The following DCDC2 variants were observed in gnomAD, a reference collection of about 807,000 sequenced individuals.
The protein encoded by DCDC2 is doublecortin domain containing 2.
Under a neutral mutation model 50.2 loss-of-function variants are expected in DCDC2, and 40 were observed. That is an observed-to-expected ratio of 0.80 (90% CI 0.62 to 1.04). The LOEUF is 1.04. Among genes scored for constraint, DCDC2 ranks in the 50% least tolerant of loss-of-function variants. The probability of loss-of-function intolerance (pLI) is 0.00; values close to 1 mark genes in which losing one functional copy is unlikely to be tolerated. For missense variants in DCDC2, 570 were observed against 581.9 expected, an observed-to-expected ratio of 0.98 and a Z score of 0.21; for synonymous variants, 234 against 210.6, an observed-to-expected ratio of 1.11 and a Z score of -0.96.
At chr6:24,252,652 AG>A (rs1448891534) in intron 7 of DCDC2, among the ~76,000 whole-genome samples, 4 of 152,228 alleles carry the variant, frequency 2.6e-5, no homozygotes, top group Non-Finnish European at 4.4e-5. Context: ...GGGGAGGATG[AG>A]CCTAGAGCCA....
At chr6:24,337,797 C>CAG (rs1760084967) in intron 2 of DCDC2, among the ~76,000 whole-genome samples, 1 of 126,640 alleles carries the variant, frequency 7.9e-6, no homozygotes, top group Admixed American at 8.3e-5. Flanking sequence ...GACTCCGTCT[C>CAG]AAAAAAAAAA....
intron 1 of DCDC2, among the ~76,000 whole-genome samples, chr6:24,355,547 T>G (rs1281754876): frequency 6.6e-6 from 1 of 152,214 alleles, no homozygotes; most frequent in Non-Finnish European, 1.5e-5. Context: ...GTACAAATGA[T>G]TATGCACCTT....
At chr6:24,340,745 A>T (rs1760139173) in intron 2 of DCDC2, among the ~76,000 whole-genome samples, 1 of 152,268 alleles carries the variant, frequency 6.6e-6, no homozygotes, top group Non-Finnish European at 1.5e-5. Context: ...TGTTTTTTTG[A>T]GACAATGTCT....
chr6:24,286,956 T>C (rs749941561), intron 6 of DCDC2, among the ~76,000 whole-genome samples: 5 of 152,136 alleles, frequency 3.3e-5, no homozygotes, highest in Non-Finnish European at 4.4e-5. Context: ...TTTCCCCTCA[T>C]ACCAAGATAG....
intron 7 of DCDC2, among the ~76,000 whole-genome samples, chr6:24,221,929 CAT>C (rs767441672): frequency 2.6e-5 from 4 of 152,172 alleles, no homozygotes; most frequent in South Asian, 4.1e-4. Flanking sequence ...AATCTGAACA[CAT>C]GTTTTAAGAG....
At chr6:24,217,928 C>G (rs1441142106) in intron 7 of DCDC2, among the ~76,000 whole-genome samples, 1 of 152,208 alleles carries the variant, frequency 6.6e-6, no homozygotes, top group African/African-American at 2.4e-5. Flanking sequence ...ATTCAAGGAA[C>G]TGCTGCCAAT....
At chr6:24,207,478 C>T (rs1350966819) in intron 7 of DCDC2, among the ~76,000 whole-genome samples, 1 of 152,024 alleles carries the variant, frequency 6.6e-6, no homozygotes, top group African/African-American at 2.4e-5. Context: ...ATGAATAGTG[C>T]AAAATAGGAA....
chr6:24,378,515 T>G, the DCDC2 span, among the ~76,000 whole-genome samples: 2 of 152,184 alleles, frequency 1.3e-5, no homozygotes, highest in East Asian at 3.9e-4. Flanking sequence ...GCATGATATA[T>G]ACTTCAGAGC....
At chr6:24,352,794 C>G (rs999158447) in intron 2 of DCDC2, among the ~76,000 whole-genome samples, 3 of 152,150 alleles carry the variant, frequency 2.0e-5, no homozygotes, top group Non-Finnish European at 4.4e-5. Flanking sequence ...AGCACTTACC[C>G]ATTGGAAGCA....
intron 2 of DCDC2, among the ~76,000 whole-genome samples, chr6:24,319,134 TAAG>T (rs140660623): frequency 0.01 from 1,542 of 152,286 alleles, 28 homozygotes; most frequent in African/African-American, 0.033. Context: ...CTGACTGGTA[TAAG>T]ATGATATCTC....
intron 7 of DCDC2, among the ~76,000 whole-genome samples, chr6:24,272,379 T>C (rs1286843775): frequency 6.6e-6 from 1 of 152,168 alleles, no homozygotes; most frequent in African/African-American, 2.4e-5. Context: ...TAGTACTTGA[T>C]GTATAAAATC....
chr6:24,359,355 A>ATATATTTTATATATTATATATATTT (rs1561789478), upstream of DCDC2, among the ~76,000 whole-genome samples: 1 of 33,500 alleles, frequency 3.0e-5, no homozygotes, highest in African/African-American at 1.7e-4. Flanking sequence ...TATATATTTT[A>ATATATTTTATATATTATATATATTT]TGTATATTAT....
At chr6:24,295,258 G>C (rs144274718) in intron 4 of DCDC2, among the ~76,000 whole-genome samples, 1 of 152,074 alleles carries the variant, frequency 6.6e-6, no homozygotes, top group Non-Finnish European at 1.5e-5. Flanking sequence ...AAAGGCTTTC[G>C]ATAAAATTCA....
intron 2 of DCDC2, 138 bp downstream of exon 2, chr6:24,353,431 C>A: frequency 1.5e-6 from 1 of 661,966 alleles, no homozygotes; most frequent in Non-Finnish European, 2.8e-6. Context: ...ATTATCTTTG[C>A]CTTAAAACAT....
chr6:24,184,274 A>G (rs1761144163), intron 8 of DCDC2, among the ~76,000 whole-genome samples: 1 of 152,218 alleles, frequency 6.6e-6, no homozygotes, highest in South Asian at 2.1e-4. Context: ...TTACTGTTTA[A>G]AGAATTACTG....
chr6:24,181,518 G>T (rs1761071956), intron 8 of DCDC2, among the ~76,000 whole-genome samples: 1 of 152,158 alleles, frequency 6.6e-6, no homozygotes, highest in African/African-American at 2.4e-5. Flanking sequence ...ACATGAAAAT[G>T]AGTTGCATTT....
rs919124775 is a variant in DCDC2 at position 24,271,224 on chromosome 6, A to AAAAAAAAAAG, written c.922+6824_922+6825insCTTTTTTTTT. Among the ~76,000 whole-genome samples the AAAAAAAAAAG allele has an allele frequency of 1.2e-3, 175 of 142,942 alleles. 1 individual carries two copies. The highest frequency in any genetic ancestry group is 4.2e-3 in the African/African-American group (154 of 37,024). The allele number at this position is 142,942 out of a possible 152,430, so 93.8% of individuals were successfully genotyped here. ...CACTCCCTCAAAAAAAAAAAAAAAA[A>AAAAAAAAAAG]AGAGAGAGAGAGAGAGAAAGAAAGA... On this transcript the variant is annotated intron_variant, in intron 7 of 9. Transcript: ENST00000378454.
chr6:24,231,904 G>A (rs376400240), intron 7 of DCDC2, among the ~76,000 whole-genome samples: 240 of 151,968 alleles, frequency 1.6e-3, no homozygotes, highest in African/African-American at 5.5e-3. Flanking sequence ...GTAGCTCTCA[G>A]GCAGAGAGAA....
At chr6:24,341,030 T>C (rs1359660437) in intron 2 of DCDC2, among the ~76,000 whole-genome samples, 1 of 152,156 alleles carries the variant, frequency 6.6e-6, no homozygotes, top group East Asian at 1.9e-4. Flanking sequence ...CTGGCCATTA[T>C]CTAAAAATTT....
Sources: gnomAD v4.1 joint callset for allele counts (sites outside exome capture counted in the v4.1 genomes callset) on GRCh38, gnomAD v4.1.1 for gene constraint, MANE v1.5 for transcripts, NCBI Gene and HGNC (gene_info 2026-07-23, HGNC 2026-07-21) for gene names.